The following THSD7A variants were observed in gnomAD, a reference collection of about 807,000 sequenced individuals.
THSD7A encodes thrombospondin type-1 domain-containing protein 7A.
Under a neutral mutation model 231.3 loss-of-function variants are expected in THSD7A, and 96 were observed. That is an observed-to-expected ratio of 0.41 (90% CI 0.35 to 0.49). The LOEUF is 0.49. THSD7A is among the 20% of genes least tolerant of loss of function. The probability of loss-of-function intolerance (pLI) is 0.05; values close to 1 mark genes in which losing one functional copy is unlikely to be tolerated. For missense variants in THSD7A, 2,290 were observed against 2,070.2 expected (o/e 1.11, Z -2.06); for synonymous variants, 940 against 743.3 (o/e 1.26, Z -4.30).
intron 9 of THSD7A, among the ~76,000 whole-genome samples, chr7:11,465,337 C>T (rs764844580): frequency 1.9e-4 from 29 of 150,752 alleles, no homozygotes; most frequent in Admixed American, 1.7e-3. Flanking sequence ...ATAACAAGTA[C>T]GCGAAAAATA....
chr7:11,480,318 A>T (rs1270605048), intron 7 of THSD7A, among the ~76,000 whole-genome samples: 3 of 152,156 alleles, frequency 2.0e-5, no homozygotes, highest in Non-Finnish European at 4.4e-5. Flanking sequence ...AAGCATGGCA[A>T]AATCCTTGCC....
At chr7:11,681,180 A>C (rs943184034) in intron 1 of THSD7A, among the ~76,000 whole-genome samples, 1 of 152,014 alleles carries the variant, frequency 6.6e-6, no homozygotes, top group Non-Finnish European at 1.5e-5. Flanking sequence ...GGAGGGGAAC[A>C]TCACACACTG....
chr7:11,633,539 A>C (rs1458755016), intron 2 of THSD7A, among the ~76,000 whole-genome samples: 1 of 152,126 alleles, frequency 6.6e-6, no homozygotes, highest in African/African-American at 2.4e-5. Context: ...AGTTCAGGCT[A>C]CTCTTAGAGA....
chr7:11,711,319 G>A (rs1374565436), intron 1 of THSD7A, among the ~76,000 whole-genome samples: 1 of 150,864 alleles, frequency 6.6e-6, no homozygotes, highest in East Asian at 2.0e-4. Flanking sequence ...TGGGGTCACA[G>A]AGGCCCAAGT....
chr7:11,589,730 G>C (rs987714517), intron 4 of THSD7A, among the ~76,000 whole-genome samples: 1 of 152,152 alleles, frequency 6.6e-6, no homozygotes, highest in African/African-American at 2.4e-5. Context: ...ACTGCTTAAA[G>C]ATGTTCATAT....
chr7:11,485,098 C>G (rs1370712400), intron 6 of THSD7A, among the ~76,000 whole-genome samples: 1 of 151,598 alleles, frequency 6.6e-6, no homozygotes, highest in Non-Finnish European at 1.5e-5. Context: ...ACCATACTGG[C>G]CAGGCTGGTC....
chr7:11,737,771 C>G (rs1781967455), intron 1 of THSD7A, among the ~76,000 whole-genome samples: 1 of 151,882 alleles, frequency 6.6e-6, no homozygotes, highest in Non-Finnish European at 1.5e-5. Flanking sequence ...AAAAGATACC[C>G]ACAGATCTAA....
chr7:11,746,390 GT>G (rs1782305399), intron 1 of THSD7A, among the ~76,000 whole-genome samples: 1 of 151,768 alleles, frequency 6.6e-6, no homozygotes, highest in Non-Finnish European at 1.5e-5. Context: ...TTCCACTGAT[GT>G]CCTTTTTCTG....
At position 11,481,706 on chromosome 7, in the gene THSD7A, A is replaced by G. The variant is rs1032933450; in HGVS notation, c.2017+82T>C. 1.5e-5 allele frequency: 20 copies of G among 1,371,542 alleles called. No homozygotes were observed. The African/African-American group carries it at 2.9e-4, about 20-fold the overall frequency. 85.0% of individuals were successfully genotyped at this position (1,371,542 alleles called of 1,614,324 possible). On this transcript the variant is annotated intron_variant, in intron 7 of 27. Coordinates refer to ENST00000423059, the MANE Select transcript of THSD7A (RefSeq NM_015204.3). ...TTCTGGTTGTTGACTTTCATAGAAT[A>G]TCATCTTTTCCAGGCTACACAAAAA... is the stretch of plus-strand genomic sequence containing the variant.
intron 1 of THSD7A, among the ~76,000 whole-genome samples, chr7:11,695,712 G>T (rs1780372071): frequency 6.6e-6 from 1 of 151,512 alleles, no homozygotes. Flanking sequence ...TTAGGACATT[G>T]TGGTAAGTGA....
At chr7:11,379,369 G>A (rs572588638) in intron 25 of THSD7A, 89 bp from the exon 26 acceptor site, 5 of 1,317,088 alleles carry the variant, frequency 3.8e-6, no homozygotes, top group Non-Finnish European at 5.4e-6. Context: ...CTTTAAACAA[G>A]GTTTGTTTTG....
intron 1 of THSD7A, among the ~76,000 whole-genome samples, chr7:11,646,231 C>T (rs112632582): frequency 2.0e-3 from 306 of 152,076 alleles, no homozygotes; most frequent in Non-Finnish European, 3.2e-3. Context: ...ATCTACAAAA[C>T]AACATAAACT....
Position 11,481,993 on chromosome 7 carries a change from C to G in THSD7A, c.1823-11G>C. 1.3e-6 allele frequency: 2 copies of G among 1,584,218 alleles called. No individual in the cohort carries two copies. Among genetic ancestry groups the G allele is most frequent in the African/African-American group, 1.3e-5 (1 of 74,262 alleles). On this transcript the variant is annotated splice_polypyrimidine_tract_variant and intron_variant, in intron 6 of 27. Transcript: ENST00000423059. ...TGTCAACTTCTTCTCCTGGGGAAAA[C>G]ATGACCACCAACAGCTATTATTGTT...
At chr7:11,490,840 C>T (rs764330610) in intron 6 of THSD7A, among the ~76,000 whole-genome samples, 1 of 152,072 alleles carries the variant, frequency 6.6e-6, no homozygotes, top group Non-Finnish European at 1.5e-5. Context: ...CTAAAACTTA[C>T]TTAATCTTAA....
chr7:11,507,973 A>G (rs574787806), intron 6 of THSD7A, among the ~76,000 whole-genome samples: 1 of 152,300 alleles, frequency 6.6e-6, no homozygotes, highest in Non-Finnish European at 1.5e-5. Context: ...GGCCTCAGGA[A>G]ACTTAAAATC....
intron 7 of THSD7A, among the ~76,000 whole-genome samples, chr7:11,477,873 A>G (rs10950350): frequency 0.4 from 61,473 of 152,040 alleles, 12,849 homozygotes; most frequent in South Asian, 0.49. Flanking sequence ...TGAGGCTAAT[A>G]TATGTCTATA....
Position 11,690,392 on chromosome 7 carries a change from C to CAGTTATCT in THSD7A, c.191-53439_191-53432dup, listed in dbSNP as rs1392558017. On this transcript the variant is annotated intron_variant, in intron 1 of 27. Coordinates refer to ENST00000423059, the MANE Select transcript of THSD7A (RefSeq NM_015204.3). ...GGTTCTCAATTTGACAAAGTCTGCT[C>CAGTTATCT]AGTTATCTCTCTTTTTCTCAAGCTC... 2.6e-5 allele frequency among the ~76,000 whole-genome samples: 4 copies of CAGTTATCT among 151,754 alleles called. No homozygotes were observed. The East Asian group carries it at 7.8e-4, about 30-fold the overall frequency.
intron 4 of THSD7A, among the ~76,000 whole-genome samples, chr7:11,568,460 C>G (rs2128333331): frequency 6.6e-6 from 1 of 151,706 alleles, no homozygotes; most frequent in South Asian, 2.1e-4. Flanking sequence ...CCCGTCTCTA[C>G]TAAAAATACA....
At chr7:11,498,173 G>T (rs1403549612) in intron 6 of THSD7A, among the ~76,000 whole-genome samples, 1 of 152,124 alleles carries the variant, frequency 6.6e-6, no homozygotes, top group Non-Finnish European at 1.5e-5. Flanking sequence ...ATCCATAACA[G>T]CCCACAGACC....
Sources: gnomAD v4.1 joint callset for allele counts (sites outside exome capture counted in the v4.1 genomes callset) on GRCh38, gnomAD v4.1.1 for gene constraint, MANE v1.5 for transcripts, NCBI Gene and HGNC (gene_info 2026-07-23, HGNC 2026-07-21) for gene names.